INPP4B: variants seen among roughly 807,000 people sequenced by gnomAD.
The protein encoded by INPP4B is inositol polyphosphate 4-phosphatase type II.
In INPP4B, 55 loss-of-function variants were observed where a neutral mutation model predicts 122.5. The ratio of observed to expected loss-of-function variants is 0.45; its 90% confidence interval spans 0.36 to 0.56. INPP4B has a LOEUF of 0.56. INPP4B is among the 20% of genes least tolerant of loss of function. The pLI, the probability that INPP4B is intolerant of heterozygous loss-of-function variation, is 0.00. For missense variants in INPP4B, 1,000 were observed against 1,097.7 expected (o/e 0.91, Z 1.26); for synonymous variants, 403 against 388.7 (o/e 1.04, Z -0.43).
chr4:142,825,758 T>G (rs1015978196), intron 1 of INPP4B, among the ~76,000 whole-genome samples: 1 of 152,028 alleles, frequency 6.6e-6, no homozygotes, highest in African/African-American at 2.4e-5. Context: ...AGAATTGGAA[T>G]AGAAGAGTGC....
At chr4:142,672,569 G>T (rs1293411582) in intron 2 of INPP4B, among the ~76,000 whole-genome samples, 3 of 151,894 alleles carry the variant, frequency 2.0e-5, no homozygotes, top group East Asian at 1.9e-4. Flanking sequence ...TTGGCAAAGT[G>T]TCTCTTTAAA....
chr4:142,633,149 CA>C (rs1748356686), intron 2 of INPP4B, among the ~76,000 whole-genome samples: 1 of 151,584 alleles, frequency 6.6e-6, no homozygotes. Flanking sequence ...TTGCTAACGA[CA>C]AAAAGGACAC....
intron 2 of INPP4B, among the ~76,000 whole-genome samples, chr4:142,548,370 A>G (rs556737178): frequency 3.9e-5 from 6 of 152,208 alleles, no homozygotes; most frequent in Non-Finnish European, 8.8e-5. Flanking sequence ...ACATCCAAAC[A>G]GAGACACAAA....
intron 7 of INPP4B, among the ~76,000 whole-genome samples, chr4:142,389,423 G>T (rs1393063762): frequency 6.6e-6 from 1 of 152,044 alleles, no homozygotes; most frequent in African/African-American, 2.4e-5. Flanking sequence ...TATTTTGAAA[G>T]AAAAATAAAA....
At chr4:142,406,249 G>A (rs1265071320) in intron 5 of INPP4B, among the ~76,000 whole-genome samples, 2 of 152,126 alleles carry the variant, frequency 1.3e-5, no homozygotes, top group African/African-American at 4.8e-5. Flanking sequence ...GCTGCAGGCT[G>A]GAGCTATGGA....
intron 9 of INPP4B, among the ~76,000 whole-genome samples, chr4:142,293,465 A>G (rs1757298909): frequency 1.3e-5 from 2 of 152,196 alleles, no homozygotes; most frequent in Non-Finnish European, 2.9e-5. Flanking sequence ...AATGTATTCA[A>G]GTAAAACAAC....
At chr4:142,440,431 A>T (rs1285577035) in intron 3 of INPP4B, among the ~76,000 whole-genome samples, 2 of 152,242 alleles carry the variant, frequency 1.3e-5, no homozygotes, top group Non-Finnish European at 2.9e-5. Flanking sequence ...GGAATGAAAG[A>T]TGTGGGAAAA....
intron 5 of INPP4B, among the ~76,000 whole-genome samples, chr4:142,411,373 T>C (rs527500581): frequency 1.3e-5 from 2 of 152,304 alleles, no homozygotes; most frequent in South Asian, 2.1e-4. Flanking sequence ...AGGAAGACTA[T>C]GGATGCTAAT....
At chr4:142,512,385 A>G (rs1824838874) in intron 2 of INPP4B, among the ~76,000 whole-genome samples, 2 of 152,176 alleles carry the variant, frequency 1.3e-5, no homozygotes, top group African/African-American at 4.8e-5. Flanking sequence ...TACTCACTAT[A>G]AACCCGATAT....
chr4:142,697,055 G>T (rs1051341100), intron 2 of INPP4B, among the ~76,000 whole-genome samples: 2 of 152,092 alleles, frequency 1.3e-5, no homozygotes, highest in Non-Finnish European at 2.9e-5. Context: ...TTATCCCAAT[G>T]ATGCATTTTT....
At chr4:142,374,065 T>G (rs2148745477) in intron 7 of INPP4B, among the ~76,000 whole-genome samples, 1 of 151,968 alleles carries the variant, frequency 6.6e-6, no homozygotes, top group African/African-American at 2.4e-5. Context: ...TGCAGAAAGA[T>G]TGTTTTAGTT....
intron 7 of INPP4B, among the ~76,000 whole-genome samples, chr4:142,350,565 T>C (rs1357801045): frequency 6.6e-6 from 1 of 152,000 alleles, no homozygotes; most frequent in African/African-American, 2.4e-5. Context: ...GCAGAATAAG[T>C]ATATTATTCA....
intron 9 of INPP4B, among the ~76,000 whole-genome samples, chr4:142,304,316 T>C (rs1319406711): frequency 1.3e-5 from 2 of 152,110 alleles, no homozygotes; most frequent in Non-Finnish European, 2.9e-5. Flanking sequence ...ATCATAAAAC[T>C]ATAAAGATTT....
At chr4:142,365,132 T>C (rs983190167) in intron 7 of INPP4B, among the ~76,000 whole-genome samples, 11 of 152,094 alleles carry the variant, frequency 7.2e-5, no homozygotes. Context: ...AGTTTTCAAC[T>C]GGGCAGAATT....
chr4:142,099,990 C>A (rs758422903), intron 23 of INPP4B, among the ~76,000 whole-genome samples: 1 of 152,092 alleles, frequency 6.6e-6, no homozygotes, highest in Non-Finnish European at 1.5e-5. Context: ...ATCACCAGGA[C>A]GGCTTGTTAA....
intron 2 of INPP4B, among the ~76,000 whole-genome samples, chr4:142,590,553 T>C (rs975092878): frequency 2.6e-5 from 4 of 152,112 alleles, no homozygotes; most frequent in South Asian, 4.1e-4. Flanking sequence ...ACATGACATA[T>C]GTTGGAAGCC....
chr4:142,714,355 C>A (rs918316636), intron 2 of INPP4B, among the ~76,000 whole-genome samples: 2 of 152,212 alleles, frequency 1.3e-5, no homozygotes, highest in African/African-American at 2.4e-5. Context: ...TTACTTTCTG[C>A]ACTTTCCTCA....
Position 142,124,697 on chromosome 4 carries a change from A to G in INPP4B, c.1784T>C (p.Val595Ala), listed in dbSNP as rs781748602. ...TGTCAGGGACTGCTTGGCTCGGTTC[A>G]CCACTTCTCCCATGCAGTCCTTCAG... ...LTLKDCMGEVVNRAKQSLTFV... is the reference protein window; with the variant it reads ...LTLKDCMGEVANRAKQSLTFV... The change falls in exon 19 of 26, where the codon GTG becomes GCG. Residue 595 changes from valine to alanine, a missense_variant. Physicochemically the swap from Val to Ala is moderately conservative, Grantham distance 64. Coordinates refer to ENST00000262992, the MANE Select transcript of INPP4B (RefSeq NM_001101669.3). 24 of 1,612,118 alleles carry G rather than the reference A, an allele frequency of 1.5e-5. No homozygotes were observed. Among genetic ancestry groups the G allele is most frequent in the Non-Finnish European group, 2.0e-5 (23 of 1,178,770 alleles).
At chr4:142,612,084 G>A (rs1032693312) in intron 2 of INPP4B, among the ~76,000 whole-genome samples, 4 of 152,082 alleles carry the variant, frequency 2.6e-5, no homozygotes, top group African/African-American at 9.7e-5. Context: ...GCACATGCAG[G>A]TATGGTGATC....
Sources: allele counts gnomAD v4.1 joint callset (sites outside exome capture counted in the v4.1 genomes callset), GRCh38; gene constraint gnomAD v4.1.1; transcripts MANE v1.5; gene names NCBI Gene and HGNC (gene_info 2026-07-23, HGNC 2026-07-21).